DTWD2: variants seen among roughly 807,000 people sequenced by gnomAD.
DTWD2 encodes the protein tRNA-uridine aminocarboxypropyltransferase 2.
Under a neutral mutation model 31.8 loss-of-function variants are expected in DTWD2, and 39 were observed. The observed-to-expected ratio is 1.22, with a 90% CI of 0.95 to 1.60. DTWD2 has a LOEUF of 1.60. DTWD2 is among the 40% of genes most tolerant of loss of function. The pLI is 0.00. For missense variants in DTWD2, 515 were observed against 381.5 expected (o/e 1.35, Z -2.92); for synonymous variants, 180 against 142.8 (o/e 1.26, Z -1.86).
chr5:118,895,442 C>G (rs1753065135), intron 4 of DTWD2, among the ~76,000 whole-genome samples: 2 of 152,106 alleles, frequency 1.3e-5, no homozygotes, highest in Non-Finnish European at 2.9e-5. Context: ...CTGCCCTAAG[C>G]AATCTTCAGA....
intron 4 of DTWD2, among the ~76,000 whole-genome samples, chr5:118,879,432 G>A (rs1421562446): frequency 1.3e-5 from 2 of 151,840 alleles, no homozygotes; most frequent in Non-Finnish European, 2.9e-5. Flanking sequence ...CCAGCACGGT[G>A]AAACCTGTCT....
At chr5:118,845,507 T>C (rs1345081062) in intron 5 of DTWD2, among the ~76,000 whole-genome samples, 1 of 152,270 alleles carries the variant, frequency 6.6e-6, no homozygotes, top group African/African-American at 2.4e-5. Context: ...TCTGTAATAA[T>C]AAGCAACTTG....
chr5:118,956,574 T>C (rs1446016786), intron 1 of DTWD2, among the ~76,000 whole-genome samples: 2 of 152,224 alleles, frequency 1.3e-5, no homozygotes, highest in African/African-American at 2.4e-5. Context: ...AAAAAATCTT[T>C]CAAAGCTTTA....
chr5:118,953,692 C>G (rs945555819), intron 1 of DTWD2, among the ~76,000 whole-genome samples: 1 of 152,172 alleles, frequency 6.6e-6, no homozygotes, highest in African/African-American at 2.4e-5. Context: ...ATTAGGCTAC[C>G]TTATCTGCCT....
chr5:118,869,802 C>T (rs896826794), intron 4 of DTWD2, among the ~76,000 whole-genome samples: 1 of 152,158 alleles, frequency 6.6e-6, no homozygotes, highest in Non-Finnish European at 1.5e-5. Context: ...TTATCTTATA[C>T]GGCCTGGATG....
intron 1 of DTWD2, among the ~76,000 whole-genome samples, chr5:118,979,200 A>G (rs1755233410): frequency 6.6e-6 from 1 of 152,150 alleles, no homozygotes; most frequent in South Asian, 2.1e-4. Flanking sequence ...GCTACTCGGG[A>G]GGCTGAGGCA....
rs144483769 is a variant in DTWD2 at position 118,898,590 on chromosome 5, C to T, written c.597+29947G>A. Among the ~76,000 whole-genome samples the T allele has an allele frequency of 5.9e-3, 848 of 144,112 alleles. 9 individuals are homozygous for T. Among genetic ancestry groups the T allele is most frequent in the African/African-American group, 0.02 (780 of 38,702 alleles). The allele number at this position is 144,112 out of a possible 152,430, so 94.5% of individuals were successfully genotyped here. A position where few individuals can be genotyped will look rare whatever the true frequency, so the allele number is the denominator to read the frequency against. On this transcript the variant is annotated intron_variant, in intron 4 of 5. Coordinates refer to ENST00000510708, the MANE Select transcript of DTWD2 (RefSeq NM_173666.4). The stretch of plus-strand genomic sequence containing the variant: ...AAGAGAATCGCTTGAACCTGGGAGG[C>T]GGAGGTTGCAGTGAGCTGAGATCAT...
At chr5:118,880,139 T>G (rs1338424016) in intron 4 of DTWD2, among the ~76,000 whole-genome samples, 2 of 152,228 alleles carry the variant, frequency 1.3e-5, no homozygotes, top group Admixed American at 1.3e-4. Flanking sequence ...ACATCCAGAC[T>G]GCAGTATTTT....
At chr5:118,908,267 AC>A (rs1412459659) in intron 4 of DTWD2, among the ~76,000 whole-genome samples, 1 of 152,192 alleles carries the variant, frequency 6.6e-6, no homozygotes, top group Admixed American at 6.5e-5. Context: ...GATCCTCAGG[AC>A]CAAGGAGTGA....
At position 118,962,942 on chromosome 5, in the gene DTWD2, T is replaced by C. The variant is rs148897035; in HGVS notation, c.219-18293A>G. Among the ~76,000 whole-genome samples, 245 of 152,334 alleles carry C rather than the reference T, an allele frequency of 1.6e-3. 1 individual carries two copies. The highest frequency in any genetic ancestry group is 2.9e-3 in the Non-Finnish European group (194 of 68,030). On this transcript the variant is annotated intron_variant, in intron 1 of 5. Transcript: ENST00000510708. ...GTCCACATAAGCAGTTAATGTTCAA[T>C]GAAAAGTCTTAACACATAGTTCTAT...
chr5:118,896,547 G>C (rs1323373888), intron 4 of DTWD2, among the ~76,000 whole-genome samples: 1 of 151,760 alleles, frequency 6.6e-6, no homozygotes, highest in African/African-American at 2.4e-5. Flanking sequence ...AGAAGGTATA[G>C]ATAACATAAG....
intron 4 of DTWD2, among the ~76,000 whole-genome samples, chr5:118,918,038 T>C (rs1228851967): frequency 1.3e-5 from 2 of 151,798 alleles, no homozygotes; most frequent in Non-Finnish European, 2.9e-5. Context: ...CCCCATTATC[T>C]AATCACCTCC....
At chr5:118,974,450 T>A in intron 1 of DTWD2, 1 of 474,108 alleles carries the variant, frequency 2.1e-6, no homozygotes, top group Non-Finnish European at 4.1e-6. Context: ...TTTTTAATGA[T>A]CTCCGATGAC....
At chr5:118,938,242 G>A (rs912826198) in intron 3 of DTWD2, among the ~76,000 whole-genome samples, 1 of 152,148 alleles carries the variant, frequency 6.6e-6, no homozygotes, top group African/African-American at 2.4e-5. Context: ...TATCAGAAAG[G>A]AAGAAATATA....
At chr5:118,928,457 G>T in intron 4 of DTWD2, 80 bp downstream of exon 4, 1 of 986,420 alleles carries the variant, frequency 1.0e-6, no homozygotes, top group Non-Finnish European at 1.3e-6. Context: ...AAAAATCTAT[G>T]TGTATCCCTT....
chr5:118,976,290 G>C lies in DTWD2; in HGVS notation c.218+12004C>G, dbSNP rs577243357. Among the ~76,000 whole-genome samples the C allele has an allele frequency of 2.2e-4, 33 of 152,028 alleles. 1 individual carries two copies. The South Asian group carries it at 5.4e-3, about 25-fold the overall frequency. On this transcript the variant is annotated intron_variant, in intron 1 of 5. Coordinates refer to ENST00000510708, the MANE Select transcript of DTWD2 (RefSeq NM_173666.4). Reference sequence around the variant, plus strand: ...ATCACAATTAAAAGAACTAAAGCAAGAGCAAACAAATTCAAAAGCTAGCAA... The same window carrying C: ...ATCACAATTAAAAGAACTAAAGCAACAGCAAACAAATTCAAAAGCTAGCAA...
At chr5:118,909,007 T>C (rs1235588412) in intron 4 of DTWD2, among the ~76,000 whole-genome samples, 1 of 152,224 alleles carries the variant, frequency 6.6e-6, no homozygotes, top group Non-Finnish European at 1.5e-5. Flanking sequence ...TTTTCCTGAA[T>C]GAAGCCAACG....
At chr5:118,931,651 A>G (rs1753927064) in intron 3 of DTWD2, among the ~76,000 whole-genome samples, 2 of 152,240 alleles carry the variant, frequency 1.3e-5, no homozygotes, top group South Asian at 4.1e-4. Flanking sequence ...TGGAGACTTC[A>G]GTACAACCTT....
intron 4 of DTWD2, among the ~76,000 whole-genome samples, chr5:118,872,933 G>A (rs570791012): frequency 4.6e-5 from 7 of 152,156 alleles, no homozygotes; most frequent in South Asian, 2.1e-4. Flanking sequence ...GGATGGCGCC[G>A]AGAGTGAATG....
Sources: gnomAD v4.1 joint callset for allele counts (sites outside exome capture counted in the v4.1 genomes callset) on GRCh38, gnomAD v4.1.1 for gene constraint, MANE v1.5 for transcripts, NCBI Gene and HGNC (gene_info 2026-07-23, HGNC 2026-07-21) for gene names.